RABGAP1L: variants seen among roughly 807,000 people sequenced by gnomAD.
RABGAP1L encodes RAB GTPase activating protein 1 like, also known as rab GTPase-activating protein 1-like.
RABGAP1L carries 63 observed loss-of-function variants against 137.7 expected under a neutral mutation model. The ratio of observed to expected loss-of-function variants is 0.46; its 90% CI spans 0.37 to 0.56. RABGAP1L has a LOEUF of 0.56. Among genes scored for constraint, RABGAP1L ranks in the 20% least tolerant of loss-of-function variants. The pLI is 0.00. For missense variants in RABGAP1L, 1,095 were observed against 1,244.0 expected, an observed-to-expected ratio of 0.88 and a Z score of 1.80; for synonymous variants, 431 against 433.7, an observed-to-expected ratio of 0.99 and a Z score of 0.08.
intron 19 of RABGAP1L, among the ~76,000 whole-genome samples, chr1:174,871,274 C>T (rs935152245): frequency 3.9e-5 from 6 of 152,072 alleles, no homozygotes; most frequent in African/African-American, 1.2e-4. Flanking sequence ...GCTGGGATTA[C>T]AGGCATATGC....
intron 20 of RABGAP1L, among the ~76,000 whole-genome samples, chr1:174,960,295 C>T (rs1668973447): frequency 6.6e-6 from 1 of 152,122 alleles, no homozygotes; most frequent in Non-Finnish European, 1.5e-5. Context: ...TCACAGGGAA[C>T]CTAGAGGTGG....
intron 19 of RABGAP1L, among the ~76,000 whole-genome samples, chr1:174,891,228 GGATA>G (rs1014987216): frequency 1.3e-5 from 2 of 152,188 alleles, no homozygotes; most frequent in African/African-American, 4.8e-5. Context: ...GAGAGGCACG[GGATA>G]GAAAGATGGC....
chr1:174,458,550 A>G (rs1253873022), intron 13 of RABGAP1L, among the ~76,000 whole-genome samples: 1 of 152,064 alleles, frequency 6.6e-6, no homozygotes, highest in Non-Finnish European at 1.5e-5. Flanking sequence ...GTATGATTCC[A>G]GTGGTTTTTC....
chr1:174,625,627 A>G (rs561130221), intron 13 of RABGAP1L, among the ~76,000 whole-genome samples: 1 of 152,296 alleles, frequency 6.6e-6, no homozygotes, highest in South Asian at 2.1e-4. Context: ...TATTCAATTT[A>G]TGAAAACATA....
intron 13 of RABGAP1L, among the ~76,000 whole-genome samples, chr1:174,426,736 A>T (rs1652007511): frequency 6.6e-6 from 1 of 152,110 alleles, no homozygotes; most frequent in Non-Finnish European, 1.5e-5. Flanking sequence ...TTACCATCTT[A>T]TTAGTACATT....
At chr1:174,230,386 TTAAAG>T (rs919221263) in intron 3 of RABGAP1L, among the ~76,000 whole-genome samples, 17 of 152,002 alleles carry the variant, frequency 1.1e-4, no homozygotes, top group Admixed American at 4.6e-4. Context: ...ACCCTAAAAC[TTAAAG>T]TATAGTAAAA....
chr1:174,234,000 A>T (rs1339851108), intron 4 of RABGAP1L, among the ~76,000 whole-genome samples: 1 of 137,516 alleles, frequency 7.3e-6, no homozygotes, highest in Non-Finnish European at 1.5e-5. Flanking sequence ...TTTGATTTGC[A>T]TTTCTCTGAT....
At chr1:174,431,892 T>C (rs1652676625) in intron 13 of RABGAP1L, among the ~76,000 whole-genome samples, 1 of 152,196 alleles carries the variant, frequency 6.6e-6, no homozygotes, top group South Asian at 2.1e-4. Context: ...TTTAGATGCC[T>C]AATGTAATAG....
intron 19 of RABGAP1L, among the ~76,000 whole-genome samples, chr1:174,922,631 A>G (rs2149233585): frequency 6.6e-6 from 1 of 152,326 alleles, no homozygotes; most frequent in South Asian, 2.1e-4. Context: ...ATTTTGTGAG[A>G]TATTCATGGT....
intron 17 of RABGAP1L, among the ~76,000 whole-genome samples, chr1:174,744,924 A>G (rs1683754411): frequency 6.6e-6 from 1 of 152,244 alleles, no homozygotes; most frequent in Non-Finnish European, 1.5e-5. Context: ...AGTGAAGGAT[A>G]TGTAGGACTT....
chr1:174,477,265 G>A (rs1012087857), intron 13 of RABGAP1L, among the ~76,000 whole-genome samples: 2 of 152,156 alleles, frequency 1.3e-5, no homozygotes, highest in Non-Finnish European at 2.9e-5. Flanking sequence ...TGAACAAATA[G>A]CATTGCAAGC....
At chr1:174,682,963 G>A (rs1045772738) in intron 14 of RABGAP1L, among the ~76,000 whole-genome samples, 14 of 151,900 alleles carry the variant, frequency 9.2e-5, no homozygotes, top group Admixed American at 2.6e-4. Flanking sequence ...TGCCCCAGTG[G>A]TATAGATTGG....
chr1:174,946,438 A>C (rs777707486), intron 19 of RABGAP1L, among the ~76,000 whole-genome samples: 5 of 152,174 alleles, frequency 3.3e-5, no homozygotes, highest in Non-Finnish European at 5.9e-5. Context: ...CCAGGAGTTC[A>C]TAGCCAGCCT....
At chr1:174,904,846 C>T (rs1261531022) in intron 19 of RABGAP1L, among the ~76,000 whole-genome samples, 2 of 151,974 alleles carry the variant, frequency 1.3e-5, no homozygotes, top group African/African-American at 4.8e-5. Context: ...AGACGGGGGT[C>T]TCACCATGTT....
intron 11 of RABGAP1L, among the ~76,000 whole-genome samples, chr1:174,354,554 G>A (rs1683456198): frequency 6.6e-6 from 1 of 152,166 alleles, no homozygotes; most frequent in Admixed American, 6.5e-5. Context: ...GTTACTGAAT[G>A]ATAGCCATAT....
At chr1:174,598,818 A>C (rs1557883712) in intron 13 of RABGAP1L, among the ~76,000 whole-genome samples, 1 of 152,056 alleles carries the variant, frequency 6.6e-6, no homozygotes, top group Admixed American at 6.5e-5. Context: ...TCTTGTAGCC[A>C]AAAGATCATT....
At chr1:174,223,939 T>C (rs951007912) in intron 3 of RABGAP1L, among the ~76,000 whole-genome samples, 5 of 152,166 alleles carry the variant, frequency 3.3e-5, no homozygotes, top group African/African-American at 1.2e-4. Context: ...CAGAATTCGC[T>C]TCACATACCA....
chr1:174,739,501 C>G (rs1325244159), intron 17 of RABGAP1L, among the ~76,000 whole-genome samples: 1 of 152,142 alleles, frequency 6.6e-6, no homozygotes, highest in Admixed American at 6.5e-5. Context: ...AGTTCTCAGT[C>G]TGGTTTCATA....
intron 13 of RABGAP1L, chr1:174,545,822 A>G (rs1194390170): frequency 6.6e-6 from 1 of 152,144 alleles, no homozygotes; most frequent in African/African-American, 2.4e-5. Context: ...ATTTTTTGAG[A>G]ACTGAATGAC....
Sources: allele counts gnomAD v4.1 joint callset (sites outside exome capture counted in the v4.1 genomes callset), GRCh38; gene constraint gnomAD v4.1.1; transcripts MANE v1.5; gene names NCBI Gene and HGNC (gene_info 2026-07-23, HGNC 2026-07-21).